UBE2Q1: variants seen among roughly 807,000 people sequenced by gnomAD.
UBE2Q1 encodes ubiquitin-conjugating enzyme E2 Q1.
UBE2Q1 carries 6 observed loss-of-function variants against 60.1 expected under a neutral mutation model. The observed-to-expected ratio is 0.10, with a 90% CI of 0.05 to 0.20. The LOEUF (loss-of-function observed/expected upper bound fraction) is 0.20, where lower values mean the gene tolerates loss of function less well. Ranked by LOEUF, UBE2Q1 falls within the 10% of genes least tolerant of loss-of-function variation. The pLI is 1.00. For synonymous variants in UBE2Q1, 226 were observed against 208.3 expected (o/e 1.09, Z -0.73); for missense variants, 262 against 525.8 (o/e 0.50, Z 4.91).
At chr1:154,552,983 G>GC (rs1557845077) in intron 5 of UBE2Q1, 49 bp downstream of exon 5, 1 of 1,608,668 alleles carries the variant, frequency 6.2e-7, no homozygotes, top group Non-Finnish European at 8.5e-7. Context: ...CTACTTCCCA[G>GC]CCATTTCCCA....
intron 1 of UBE2Q1, 58 bp from the exon 2 acceptor site, chr1:154,556,022 T>A: frequency 6.6e-7 from 1 of 1,508,332 alleles, no homozygotes; most frequent in Non-Finnish European, 9.2e-7. Context: ...AAAAGCCAGA[T>A]TTTGCCTGTC....
At position 154,550,248 on chromosome 1, in the gene UBE2Q1, G is replaced by GA. The variant is rs1210789175; in HGVS notation, c.*189dup. 3.8e-6 allele frequency: 3 copies of GA among 799,872 alleles called. No individual in the cohort carries two copies. The highest frequency in any genetic ancestry group is 4.9e-5 in the Admixed American group (2 of 41,002). The allele number at this position is 799,872 out of a possible 1,614,324, so 49.5% of individuals were successfully genotyped here. ...GTCTGTAAGTCAGTCTTGAGTACTTGAAACAGTTCTGTGTTTGTTTTTTTT... is the reference window on the plus strand; with the variant it reads ...GTCTGTAAGTCAGTCTTGAGTACTTGAAAACAGTTCTGTGTTTGTTTTTTTT... On this transcript the variant is annotated 3_prime_UTR_variant, in exon 13 of 13. Coordinates refer to ENST00000292211, the MANE Select transcript of UBE2Q1 (RefSeq NM_017582.7).
In UBE2Q1 at chr1:154,555,846, T is replaced by A; in HGVS notation, c.432+14A>T. The A allele has an allele frequency of 6.2e-7, 1 of 1,611,912 alleles. No homozygotes were observed. Among genetic ancestry groups the A allele is most frequent in the Non-Finnish European group, 8.5e-7 (1 of 1,177,990 alleles). On this transcript the variant is annotated intron_variant, in intron 2 of 12. Transcript: ENST00000292211. ...ATAAGAACAAAATGTACCCCTACCC[T>A]GTGGCCCCCTCACCAGAGTATTCCC...
rs1344946392 is a variant in UBE2Q1 at position 154,550,717 on chromosome 1, A to G, written c.1237+221T>C. On this transcript the variant is annotated intron_variant, in intron 12 of 12. Transcript: ENST00000292211. ...TTCAAAAGGTGGTCAAGAAGGGGGT[A>G]GCACCAAGTTTATCGGTGATACGAT... is the stretch of plus-strand genomic sequence containing the variant. The G allele has an allele frequency of 9.1e-6, 9 of 985,280 alleles. No individual in the cohort carries two copies. The South Asian group carries it at 3.3e-4, about 36-fold the overall frequency. 61.0% of individuals were successfully genotyped at this position (985,280 alleles called of 1,614,324 possible).
At chr1:154,552,381 C>G in intron 7 of UBE2Q1, 23 bp downstream of exon 7, 2 of 1,613,852 alleles carry the variant, frequency 1.2e-6, no homozygotes, top group African/African-American at 1.3e-5. Flanking sequence ...AACTTCCTCT[C>G]CAATCCCAGA....
In UBE2Q1 at chr1:154,555,497, C is replaced by A. The variant is rs1490523360; in HGVS notation, c.468G>T (p.Leu156=). 9.9e-6 allele frequency: 16 copies of A among 1,614,146 alleles called. No individual in the cohort carries two copies. The highest frequency in any genetic ancestry group is 1.2e-5 in the Non-Finnish European group (14 of 1,180,028). ...LQHLKRIISD[L]CKLYNLPQHP... ...GCTGAGGGAGGTTATAGAGTTTACA[C>A]AGGTCGGAGATGATCCTCTTCAGAT... Residue 156 remains leucine, a synonymous_variant, in exon 3 of 13, where the codon CTG becomes CTT. Coordinates refer to ENST00000292211, the MANE Select transcript of UBE2Q1 (RefSeq NM_017582.7).
At position 154,555,941 on chromosome 1, in the gene UBE2Q1, G is replaced by A. The variant is rs913663022; in HGVS notation, c.351C>T (p.Pro117=). 7 of 1,613,980 alleles carry A rather than the reference G, an allele frequency of 4.3e-6. No individual in the cohort carries two copies. Among genetic ancestry groups the A allele is most frequent in the Admixed American group, 3.3e-5 (2 of 60,006 alleles). ...NITESYPAVP[P]IWSVESDDPN... ...GGTCATCAGACTCCACCGACCAGAT[G>A]GGGGGCACAGCAGGGTATGACTCCT... The change falls in exon 2 of 13, where the codon CCC becomes CCT. Residue 117 remains proline (P), a synonymous_variant. Coordinates refer to ENST00000292211, the MANE Select transcript of UBE2Q1 (RefSeq NM_017582.7).
chr1:154,552,174 C>T lies in UBE2Q1; in HGVS notation c.885G>A (p.Gln295=). 1.2e-6 allele frequency: 2 copies of T among 1,614,202 alleles called. No homozygotes were observed. The highest frequency in any genetic ancestry group is 1.7e-6 in the Non-Finnish European group (2 of 1,180,038). ...DWNVKLLKVD[Q]DSALHNDLQI... ...GGAGATCGTTGTGCAAAGCGCTGTC[C>T]TGGTCAACTCTAAGAAGCAACAAGC... The change falls in exon 8 of 13, where the codon CAG becomes CAA. Residue 295 remains glutamine, a synonymous_variant. Coordinates refer to ENST00000292211, the MANE Select transcript of UBE2Q1 (RefSeq NM_017582.7).
intron 11 of UBE2Q1, 74 bp downstream of exon 11, chr1:154,551,323 G>T: frequency 6.7e-7 from 1 of 1,495,660 alleles, no homozygotes; most frequent in Non-Finnish European, 9.3e-7. Flanking sequence ...AAAGAAGGCA[G>T]CCTTGGCCTG....
At position 154,558,643 on chromosome 1, in the gene UBE2Q1, C is replaced by T; in HGVS notation, c.-90G>A. ...CCGCCGCCGCCGCCGCCGCCGCCGC[C>T]GCCGCGGTCCGCACTTCCTGATCCC... On this transcript the variant is annotated 5_prime_UTR_variant, in exon 1 of 13. Coordinates refer to ENST00000292211, the MANE Select transcript of UBE2Q1 (RefSeq NM_017582.7). 3 of 962,574 alleles carry T rather than the reference C, an allele frequency of 3.1e-6. No homozygotes were observed. The highest frequency in any genetic ancestry group is 4.5e-5 in the South Asian group (1 of 22,038). The allele number at this position is 962,574 out of a possible 1,614,324, so 59.6% of individuals were successfully genotyped here.
chr1:154,552,477 A>G lies in UBE2Q1; in HGVS notation c.815-13T>C, dbSNP rs1695807301. The G allele has an allele frequency of 6.2e-7, 1 of 1,614,058 alleles. No individual in the cohort carries two copies. The highest frequency in any genetic ancestry group is 1.7e-5 in the Admixed American group (1 of 60,002). On this transcript the variant is annotated splice_polypyrimidine_tract_variant and intron_variant, in intron 6 of 12. Transcript: ENST00000292211. ...ACTGCATAGTTTCCTGGAAGGAGGGAAAAAACAGGTGTTAGTAGAATGGTC... is the reference window on the plus strand; with the variant it reads ...ACTGCATAGTTTCCTGGAAGGAGGGGAAAAACAGGTGTTAGTAGAATGGTC...
rs1571012770 is a variant in UBE2Q1, at chr1:154,558,497, C to T, written c.57G>A (p.Gly19=). The change falls in exon 1 of 13, where the codon GGG becomes GGA. Residue 19 remains glycine, a synonymous_variant. Transcript: ENST00000292211. The part of the protein sequence containing the change: ...QQQPGPGQQL[G]GQGAAPGAGG... ...CGGCCCCCGGCGCCGCCCCCTGGCC[C>T]CCCAGCTGCTGCCCCGGCCCCGGCT... The T allele has an allele frequency of 1.6e-6, 2 of 1,212,860 alleles. No homozygotes were observed. The highest frequency in any genetic ancestry group is 7.4e-5 in the East Asian group (2 of 26,946). 75.1% of individuals were successfully genotyped at this position (1,212,860 alleles called of 1,614,324 possible).
intron 1 of UBE2Q1, among the ~76,000 whole-genome samples, chr1:154,557,613 G>T (rs1300056805): frequency 1.3e-5 from 2 of 152,300 alleles, no homozygotes; most frequent in South Asian, 4.1e-4. Flanking sequence ...ACTGCTACCA[G>T]CTGAGGCAAA....
rs903637352 is a variant in UBE2Q1 at position 154,552,839 on chromosome 1, A to G, written c.730-19T>C. ...CTGCACCCTGTGAGGGACGGATGACAGGAACATTCCTTGGTCGTGTGGTTT... is the reference window on the plus strand; with the variant it reads ...CTGCACCCTGTGAGGGACGGATGACGGGAACATTCCTTGGTCGTGTGGTTT... On this transcript the variant is annotated intron_variant, in intron 5 of 12. Coordinates refer to ENST00000292211, the MANE Select transcript of UBE2Q1 (RefSeq NM_017582.7). 5 of 1,613,356 alleles carry G rather than the reference A, an allele frequency of 3.1e-6. No individual in the cohort carries two copies. The Admixed American group carries it at 8.4e-5, about 27-fold the overall frequency.
Position 154,552,748 on chromosome 1 carries a change from T to C in UBE2Q1, c.802A>G (p.Ser268Gly). 2 of 1,614,164 alleles carry C rather than the reference T, an allele frequency of 1.2e-6. No homozygotes were observed. The highest frequency in any genetic ancestry group is 1.7e-6 in the Non-Finnish European group (2 of 1,180,004). ...KELRDIYRSQ[S>G]FKGGNYAVEL... is the part of the protein sequence containing the mutation. ...GGGGCAAACTCACCGCCTTTGAAAC[T>C]CTGTGATCGGTATATATCCCTGAGC... The change falls in exon 6 of 13, where the codon AGT becomes GGT. Residue 268 changes from serine to glycine, a missense_variant. Around this residue, in one of 5 missense-constraint regions of UBE2Q1, gnomAD observed 111 missense variants for 266.8 expected, o/e 0.42. Transcript: ENST00000292211.
chr1:154,558,160 C>A, intron 1 of UBE2Q1, 67 bp downstream of exon 1: 1 of 1,350,878 alleles, frequency 7.4e-7, no homozygotes, highest in Non-Finnish European at 9.9e-7. Flanking sequence ...GAGCAAAAAG[C>A]TGGATGGAGT....
At chr1:154,553,862 G>T (rs1248307027) in intron 4 of UBE2Q1, among the ~76,000 whole-genome samples, 1 of 152,220 alleles carries the variant, frequency 6.6e-6, no homozygotes, top group African/African-American at 2.4e-5. Flanking sequence ...TGGGGGTGTG[G>T]CCCAGAGGGC....
At position 154,549,790 on chromosome 1, in the gene UBE2Q1, G is replaced by A. The variant is rs573869515; in HGVS notation, c.*648C>T. On this transcript the variant is annotated 3_prime_UTR_variant, in exon 13 of 13. Transcript: ENST00000292211. ...GGGGGCAAGTGCTGGTTGCTCCAGA[G>A]GCCTTGAGGAGAAATCTAGGGGCAG... The A allele has an allele frequency of 1.3e-5, 2 of 152,772 alleles. No individual in the cohort carries two copies. The highest frequency in any genetic ancestry group is 4.8e-5 in the African/African-American group (2 of 41,578). 9.5% of individuals were successfully genotyped at this position (152,772 alleles called of 1,614,324 possible).
chr1:154,551,731 C>T (rs375830677), intron 10 of UBE2Q1, 40 bp downstream of exon 10: 104 of 1,613,306 alleles, frequency 6.4e-5, no homozygotes, highest in Non-Finnish European at 8.5e-5. Context: ...AGACAATCCC[C>T]GCCCAGGCCG....
Sources: allele counts gnomAD v4.1 joint callset (sites outside exome capture counted in the v4.1 genomes callset), GRCh38; gene constraint gnomAD v4.1.1; regional missense constraint gnomAD v4.1.1; transcripts MANE v1.5; gene names NCBI Gene and HGNC (gene_info 2026-07-23, HGNC 2026-07-21).